The following SLC26A7 variants were observed in gnomAD, a reference collection of about 807,000 sequenced individuals.
The protein encoded by SLC26A7 is solute carrier family 26 member 7.
In SLC26A7, 59 loss-of-function variants were observed where a neutral mutation model predicts 82.5. That is an observed-to-expected ratio of 0.72 (90% CI 0.58 to 0.89). SLC26A7 has a LOEUF of 0.89. SLC26A7 is among the 40% of genes least tolerant of loss of function. The pLI, the probability that SLC26A7 is intolerant of heterozygous loss-of-function variation, is 0.00. For synonymous variants in SLC26A7, 271 were observed against 274.3 expected (o/e 0.99, Z 0.12); for missense variants, 820 against 793.0 (o/e 1.03, Z -0.41).
At chr8:91,305,001 C>G (rs1053109541) in intron 4 of SLC26A7, among the ~76,000 whole-genome samples, 1 of 152,170 alleles carries the variant, frequency 6.6e-6, no homozygotes, top group South Asian at 2.1e-4. Context: ...TCTTACTGTT[C>G]CTGTAAGACA....
intron 4 of SLC26A7, among the ~76,000 whole-genome samples, chr8:91,308,230 G>A (rs922966864): frequency 3.3e-5 from 5 of 150,524 alleles, no homozygotes; most frequent in Non-Finnish European, 5.9e-5. Context: ...GGCGTTATAT[G>A]TTTTTAGGAG....
At chr8:91,239,574 CA>C (rs1419938799) in intron 2 of SLC26A7, among the ~76,000 whole-genome samples, 2 of 151,836 alleles carry the variant, frequency 1.3e-5, no homozygotes, top group African/African-American at 4.8e-5. Flanking sequence ...GTTCCTAGAT[CA>C]GTAATGACAG....
chr8:91,290,013 A>G (rs1007795060), intron 3 of SLC26A7, among the ~76,000 whole-genome samples: 2 of 152,306 alleles, frequency 1.3e-5, no homozygotes, highest in Middle Eastern at 3.4e-3. Context: ...TCCAAATTCT[A>G]ATGATTATAG....
intron 2 of SLC26A7, among the ~76,000 whole-genome samples, chr8:91,234,093 CTTAGT>C (rs375103375): frequency 2.6e-5 from 4 of 152,308 alleles, no homozygotes; most frequent in African/African-American, 9.6e-5. Context: ...TCCTAATCAA[CTTAGT>C]TTAATTTCTT....
At chr8:91,209,837 A>C (rs1008777707) in intron 1 of SLC26A7, among the ~76,000 whole-genome samples, 2 of 152,246 alleles carry the variant, frequency 1.3e-5, no homozygotes, top group African/African-American at 4.8e-5. Flanking sequence ...GGTTTTAAAC[A>C]ACTAGAAGAT....
At chr8:91,362,644 T>A (rs1563699982) in intron 12 of SLC26A7, among the ~76,000 whole-genome samples, 185 bp downstream of exon 12, 1 of 152,076 alleles carries the variant, frequency 6.6e-6, no homozygotes, top group African/African-American at 2.4e-5. Flanking sequence ...GCATATGATA[T>A]TTAACAATGC....
At chr8:91,322,578 CA>C (rs34801996) in intron 5 of SLC26A7, among the ~76,000 whole-genome samples, 1 of 152,178 alleles carries the variant, frequency 6.6e-6, no homozygotes, top group South Asian at 2.1e-4. Flanking sequence ...TGTTTTCCCC[CA>C]AAAGGCACAA....
At chr8:91,312,641 CTGTGTG>C (rs56386837) in intron 4 of SLC26A7, among the ~76,000 whole-genome samples, 36,303 of 149,052 alleles carry the variant, frequency 0.24, 5,056 homozygotes, top group African/African-American at 0.39. Flanking sequence ...GTAGGTGTGT[CTGTGTG>C]TGTGTGTGTG....
At chr8:91,364,924 G>A (rs890437921) in intron 13 of SLC26A7, among the ~76,000 whole-genome samples, 15 of 152,014 alleles carry the variant, frequency 9.9e-5, no homozygotes, top group Admixed American at 3.3e-4. Flanking sequence ...TCAATGTTTT[G>A]TATAAAAAAT....
chr8:91,312,387 T>C (rs1004440472), intron 4 of SLC26A7, among the ~76,000 whole-genome samples: 8 of 152,204 alleles, frequency 5.3e-5, no homozygotes, highest in Non-Finnish European at 8.8e-5. Flanking sequence ...TTATAGTTAC[T>C]CTGAATAATG....
chr8:91,388,702 A>G (rs980819329), intron 15 of SLC26A7, among the ~76,000 whole-genome samples: 6 of 152,144 alleles, frequency 3.9e-5, no homozygotes, highest in East Asian at 1.9e-4. Context: ...GGCCCTAAGA[A>G]TATCAGTCAA....
At chr8:91,332,491 TACACACACACACACACAC>T (rs34306717) in intron 5 of SLC26A7, among the ~76,000 whole-genome samples, 9 of 125,204 alleles carry the variant, frequency 7.2e-5, no homozygotes, top group South Asian at 2.6e-4. Context: ...ATATATTTAA[TACACACACACACACACAC>T]ACACACACAC....
chr8:91,235,818 AT>A (rs1214693478), intron 2 of SLC26A7, among the ~76,000 whole-genome samples: 2 of 152,146 alleles, frequency 1.3e-5, no homozygotes. Context: ...TCTTTTGACC[AT>A]TAGGCCATGG....
intron 11 of SLC26A7, among the ~76,000 whole-genome samples, chr8:91,359,895 T>TGC (rs10666179): frequency 0.27 from 40,786 of 151,390 alleles, 5,700 homozygotes; most frequent in Middle Eastern, 0.36. Flanking sequence ...TGTGTGTGTG[T>TGC]GCGCATGTGT....
At chr8:91,360,529 AGC>A in intron 11 of SLC26A7, among the ~76,000 whole-genome samples, 1 of 152,214 alleles carries the variant, frequency 6.6e-6, no homozygotes, top group Non-Finnish European at 1.5e-5. Context: ...ATTTTTTCAA[AGC>A]TATAAATGTA....
intron 2 of SLC26A7, among the ~76,000 whole-genome samples, chr8:91,264,022 G>T (rs1811042158): frequency 6.6e-6 from 1 of 151,816 alleles, no homozygotes; most frequent in African/African-American, 2.4e-5. Flanking sequence ...CTTGTATAAG[G>T]TCTCAGCCAA....
At chr8:91,231,894 A>G (rs1269317296) in intron 2 of SLC26A7, among the ~76,000 whole-genome samples, 1 of 152,198 alleles carries the variant, frequency 6.6e-6, no homozygotes, top group African/African-American at 2.4e-5. Context: ...TGACATTACT[A>G]CAATGGCTTT....
intron 2 of SLC26A7, among the ~76,000 whole-genome samples, chr8:91,243,029 C>A (rs1390005963): frequency 6.6e-6 from 1 of 152,112 alleles, no homozygotes; most frequent in Non-Finnish European, 1.5e-5. Flanking sequence ...GAATATATCA[C>A]TTAAACAGCG....
intron 8 of SLC26A7, among the ~76,000 whole-genome samples, chr8:91,340,951 T>C (rs1813392014): frequency 6.6e-6 from 1 of 151,932 alleles, no homozygotes; most frequent in South Asian, 2.1e-4. Context: ...ATTATACTGA[T>C]CATATTTCTG....
Sources: gnomAD v4.1 joint callset for allele counts (sites outside exome capture counted in the v4.1 genomes callset) on GRCh38, gnomAD v4.1.1 for gene constraint, MANE v1.5 for transcripts, NCBI Gene and HGNC (gene_info 2026-07-23, HGNC 2026-07-21) for gene names.